Variants in JARID2 observed in about 807,000 individuals in gnomAD.
JARID2 encodes protein Jumonji.
JARID2 carries 21 observed loss-of-function variants against 125.6 expected under a neutral mutation model. The observed-to-expected ratio is 0.17, with a 90% CI of 0.12 to 0.24. The LOEUF is 0.24. Ranked by LOEUF, JARID2 falls within the 10% of genes least tolerant of loss-of-function variation. The pLI, the probability that JARID2 is intolerant of heterozygous loss-of-function variation, is 1.00. For synonymous variants in JARID2, 736 were observed against 661.6 expected, an observed-to-expected ratio of 1.11 and a Z score of -1.73; for missense variants, 1,303 against 1,639.6, an observed-to-expected ratio of 0.79 and a Z score of 3.55.
chr6:15,275,746 A>G (rs964850631), intron 1 of JARID2, among the ~76,000 whole-genome samples: 4 of 151,990 alleles, frequency 2.6e-5, no homozygotes, highest in African/African-American at 7.3e-5. Context: ...ATTTCATTCC[A>G]TTTAGGAAAG....
intron 1 of JARID2, among the ~76,000 whole-genome samples, chr6:15,326,425 G>A (rs1762536247): frequency 6.6e-6 from 1 of 152,200 alleles, no homozygotes; most frequent in South Asian, 2.1e-4. Flanking sequence ...TGTCCTTGAA[G>A]TCCTGGCCCC....
At chr6:15,495,306 A>G (rs1162350178) in intron 6 of JARID2, among the ~76,000 whole-genome samples, 1 of 152,190 alleles carries the variant, frequency 6.6e-6, no homozygotes, top group Non-Finnish European at 1.5e-5. Context: ...CCCAGGTCCC[A>G]TAGAACCTGA....
chr6:15,456,733 A>G (rs1768193657), intron 4 of JARID2, among the ~76,000 whole-genome samples: 1 of 152,104 alleles, frequency 6.6e-6, no homozygotes, highest in African/African-American at 2.4e-5. Context: ...TATCTAGGAT[A>G]TCTAGATAGC....
intron 4 of JARID2, among the ~76,000 whole-genome samples, chr6:15,452,397 A>C (rs1262751399): frequency 6.6e-6 from 1 of 151,826 alleles, no homozygotes. Context: ...TATGACTCTT[A>C]ACACCCTACT....
chr6:15,356,885 G>A (rs1469946885), intron 1 of JARID2, among the ~76,000 whole-genome samples: 1 of 152,078 alleles, frequency 6.6e-6, no homozygotes. Flanking sequence ...TTGGTGGCAC[G>A]TGCCTGTAGT....
At chr6:15,414,721 T>A (rs1766052271) in intron 3 of JARID2, among the ~76,000 whole-genome samples, 1 of 152,138 alleles carries the variant, frequency 6.6e-6, no homozygotes. Flanking sequence ...TAGTTCTAGA[T>A]GTTGTTTTTC....
At chr6:15,457,455 C>T (rs1403143353) in intron 4 of JARID2, among the ~76,000 whole-genome samples, 1 of 152,154 alleles carries the variant, frequency 6.6e-6, no homozygotes, top group Non-Finnish European at 1.5e-5. Context: ...AGCCCATCAC[C>T]CTTGGGTGAC....
At chr6:15,288,596 G>C (rs747461907) in intron 1 of JARID2, among the ~76,000 whole-genome samples, 1 of 152,160 alleles carries the variant, frequency 6.6e-6, no homozygotes, top group Non-Finnish European at 1.5e-5. Flanking sequence ...TATGTTAGCT[G>C]TTTATAGTTT....
At chr6:15,353,521 AAC>A (rs1360075277) in intron 1 of JARID2, among the ~76,000 whole-genome samples, 1 of 152,242 alleles carries the variant, frequency 6.6e-6, no homozygotes, top group East Asian at 1.9e-4. Flanking sequence ...TCTGAACAAC[AAC>A]AGCAAAATTT....
chr6:15,430,464 T>TA (rs1766923372), intron 3 of JARID2, among the ~76,000 whole-genome samples: 1 of 152,238 alleles, frequency 6.6e-6, no homozygotes, highest in Admixed American at 6.5e-5. Flanking sequence ...GGTTGCCAAT[T>TA]ATATGTTGAA....
At chr6:15,297,240 T>G (rs1761447731) in intron 1 of JARID2, among the ~76,000 whole-genome samples, 1 of 152,176 alleles carries the variant, frequency 6.6e-6, no homozygotes, top group Non-Finnish European at 1.5e-5. Flanking sequence ...AACTACCACC[T>G]CCTGGGTTCG....
At chr6:15,289,385 T>G (rs1761120266) in intron 1 of JARID2, among the ~76,000 whole-genome samples, 2 of 152,306 alleles carry the variant, frequency 1.3e-5, no homozygotes, top group South Asian at 2.1e-4. Flanking sequence ...TTCTTCTATT[T>G]TTTAAATCGT....
chr6:15,495,790 G>C (rs1356065172), intron 6 of JARID2, among the ~76,000 whole-genome samples: 1 of 152,168 alleles, frequency 6.6e-6, no homozygotes, highest in Non-Finnish European at 1.5e-5. Flanking sequence ...CATGGCACGT[G>C]GGGAGGTCTT....
intron 3 of JARID2, among the ~76,000 whole-genome samples, chr6:15,424,681 A>AC (rs1163118830): frequency 2.0e-5 from 3 of 152,018 alleles, no homozygotes; most frequent in Non-Finnish European, 4.4e-5. Context: ...AACATGGAGA[A>AC]CCCCTGCCTC....
At chr6:15,509,172 C>CT in intron 12 of JARID2, 1 of 1,282,720 alleles carries the variant, frequency 7.8e-7, no homozygotes, top group Non-Finnish European at 1.0e-6. Flanking sequence ...GTAATCCTGA[C>CT]TCTCACTGCA....
chr6:15,410,755 G>T (rs1765842504), intron 3 of JARID2, among the ~76,000 whole-genome samples: 1 of 152,172 alleles, frequency 6.6e-6, no homozygotes, highest in Non-Finnish European at 1.5e-5. Flanking sequence ...AGTAAATGTG[G>T]TGTTTCTGAG....
At chr6:15,436,788 C>T (rs1404174528) in intron 3 of JARID2, among the ~76,000 whole-genome samples, 3 of 151,762 alleles carry the variant, frequency 2.0e-5, no homozygotes, top group African/African-American at 7.3e-5. Flanking sequence ...GGTGTGGACT[C>T]CTGCTTGGAA....
intron 3 of JARID2, among the ~76,000 whole-genome samples, chr6:15,444,536 T>A (rs1191298309): frequency 1.3e-5 from 2 of 151,802 alleles, no homozygotes; most frequent in South Asian, 2.1e-4. Flanking sequence ...TTTCTTTGAG[T>A]GGCTGCCAGG....
intron 3 of JARID2, among the ~76,000 whole-genome samples, chr6:15,443,482 C>T (rs1278759345): frequency 6.6e-6 from 1 of 152,128 alleles, no homozygotes; most frequent in Non-Finnish European, 1.5e-5. Flanking sequence ...TTTTCACCTT[C>T]CCCTCCACCT....
Sources: gnomAD v4.1 joint callset for allele counts (sites outside exome capture counted in the v4.1 genomes callset) on GRCh38, gnomAD v4.1.1 for gene constraint, MANE v1.5 for transcripts, NCBI Gene and HGNC (gene_info 2026-07-23, HGNC 2026-07-21) for gene names.